ERI3: variants seen among roughly 807,000 people sequenced by gnomAD.
ERI3 encodes the protein ERI1 exoribonuclease family member 3, also known as ERI1 exoribonuclease 3.
In ERI3, 18 loss-of-function variants were observed where a neutral mutation model predicts 44.4. That is an observed-to-expected ratio of 0.41 (90% confidence interval 0.28 to 0.60). The LOEUF (loss-of-function observed/expected upper bound fraction) is 0.60. Among genes scored for constraint, ERI3 ranks in the 20% least tolerant of loss-of-function variants. ERI3 has a pLI of 0.36. For missense variants in ERI3, 294 were observed against 435.5 expected, an observed-to-expected ratio of 0.68 and a Z score of 2.89; for synonymous variants, 183 against 164.8, an observed-to-expected ratio of 1.11 and a Z score of -0.84.
intron 2 of ERI3, among the ~76,000 whole-genome samples, chr1:44,340,511 C>T (rs1023755644): frequency 9.2e-5 from 14 of 152,216 alleles, no homozygotes; most frequent in African/African-American, 3.4e-4. Flanking sequence ...AGGGATAGCA[C>T]CCTGTGAAGT....
chr1:44,232,737 G>A (rs1213254126), intron 8 of ERI3, among the ~76,000 whole-genome samples: 2 of 152,186 alleles, frequency 1.3e-5, no homozygotes, highest in Non-Finnish European at 2.9e-5. Context: ...GCAAGTCCCA[G>A]ACAACACATT....
chr1:44,307,543 C>T (rs142099679), intron 6 of ERI3, among the ~76,000 whole-genome samples: 3 of 152,296 alleles, frequency 2.0e-5, no homozygotes, highest in East Asian at 1.9e-4. Context: ...CATCCCACTT[C>T]GGTTCCCTGG....
intron 4 of ERI3, 148 bp from the exon 5 acceptor site, chr1:44,313,376 C>A: frequency 5.8e-6 from 4 of 687,574 alleles, no homozygotes; most frequent in Non-Finnish European, 1.0e-5. Flanking sequence ...ACCTAGAAGA[C>A]TTGGGAATAA....
At chr1:44,346,496 G>A (rs750546557) in intron 2 of ERI3, among the ~76,000 whole-genome samples, 1 of 152,216 alleles carries the variant, frequency 6.6e-6, no homozygotes, top group Non-Finnish European at 1.5e-5. Context: ...AGTCCTGCAA[G>A]TCAGTTGCAA....
At chr1:44,305,166 C>T (rs1004978640) in intron 6 of ERI3, among the ~76,000 whole-genome samples, 6 of 152,228 alleles carry the variant, frequency 3.9e-5, no homozygotes, top group African/African-American at 1.4e-4. Flanking sequence ...TCACGGCCCA[C>T]TGGGAAAGCC....
At chr1:44,338,508 A>G (rs552233206) in intron 3 of ERI3, among the ~76,000 whole-genome samples, 1 of 152,336 alleles carries the variant, frequency 6.6e-6, no homozygotes, top group East Asian at 1.9e-4. Flanking sequence ...GCAGCATGAC[A>G]GCTGGCTTCC....
At chr1:44,300,227 A>C (rs1645694830) in intron 6 of ERI3, among the ~76,000 whole-genome samples, 1 of 152,216 alleles carries the variant, frequency 6.6e-6, no homozygotes, top group Non-Finnish European at 1.5e-5. Context: ...TCAGTCATTA[A>C]GCAAGTACCT....
At chr1:44,306,604 T>C (rs770540383) in intron 6 of ERI3, among the ~76,000 whole-genome samples, 8 of 152,234 alleles carry the variant, frequency 5.3e-5, no homozygotes, top group East Asian at 1.9e-4. Flanking sequence ...CCCTCTGAAA[T>C]TCCCTCTCCA....
intron 6 of ERI3, among the ~76,000 whole-genome samples, chr1:44,307,345 T>G (rs1645859250): frequency 6.6e-6 from 1 of 152,060 alleles, no homozygotes; most frequent in East Asian, 1.9e-4. Flanking sequence ...GTAGAAAATG[T>G]TACTGCAGAG....
chr1:44,349,315 G>T (rs1646846017), intron 2 of ERI3, among the ~76,000 whole-genome samples: 1 of 152,104 alleles, frequency 6.6e-6, no homozygotes, highest in African/African-American at 2.4e-5. Context: ...ACCATGCCTG[G>T]CTAATTTTTT....
chr1:44,287,023 T>G (rs1019205305), intron 6 of ERI3, among the ~76,000 whole-genome samples: 1 of 152,226 alleles, frequency 6.6e-6, no homozygotes, highest in Admixed American at 6.5e-5. Flanking sequence ...CCACTTCATA[T>G]TACCTGTGGT....
chr1:44,320,405 G>C (rs376036223), intron 3 of ERI3, among the ~76,000 whole-genome samples: 3 of 152,292 alleles, frequency 2.0e-5, no homozygotes, highest in South Asian at 4.1e-4. Context: ...AGGACAAGGA[G>C]TGACAATTTG....
intron 5 of ERI3, among the ~76,000 whole-genome samples, chr1:44,309,326 C>A (rs193292550): frequency 6.6e-6 from 1 of 151,640 alleles, no homozygotes; most frequent in South Asian, 2.1e-4. Context: ...AAAACCCTAT[C>A]CATACTAAAA....
At chr1:44,258,134 T>C (rs1043454931) in intron 7 of ERI3, among the ~76,000 whole-genome samples, 1 of 152,202 alleles carries the variant, frequency 6.6e-6, no homozygotes, top group Non-Finnish European at 1.5e-5. Flanking sequence ...GAACCTGGCA[T>C]GTAACTAGTC....
rs751794673 is a variant in ERI3, at chr1:44,352,935, A to G, written c.136-10T>C. The G allele has an allele frequency of 6.2e-7, 1 of 1,614,088 alleles. No individual in the cohort carries two copies. The highest frequency in any genetic ancestry group is 1.1e-5 in the South Asian group (1 of 91,054). The stretch of plus-strand genomic sequence containing the variant: ...CTGGAAAGCCCCAATGCTGTGGATA[A>G]ATACACATCTCTGCAACAAGTCTAT... On this transcript the variant is annotated splice_polypyrimidine_tract_variant and intron_variant, in intron 1 of 8. Transcript: ENST00000372257.
intron 6 of ERI3, among the ~76,000 whole-genome samples, chr1:44,288,760 C>T (rs1282306111): frequency 2.0e-5 from 3 of 152,124 alleles, no homozygotes; most frequent in Non-Finnish European, 4.4e-5. Flanking sequence ...ATAGTGGTCA[C>T]TGCTCAAGGT....
chr1:44,303,931 G>A (rs1207697753), intron 6 of ERI3, among the ~76,000 whole-genome samples: 1 of 152,210 alleles, frequency 6.6e-6, no homozygotes, highest in African/African-American at 2.4e-5. Context: ...CAGGGCAGTA[G>A]GGATGGGAAG....
At chr1:44,287,731 A>T (rs1046423674) in intron 6 of ERI3, among the ~76,000 whole-genome samples, 1 of 152,232 alleles carries the variant, frequency 6.6e-6, no homozygotes, top group African/African-American at 2.4e-5. Context: ...TCTGACAATA[A>T]TTCTATTTCC....
chr1:44,257,732 C>T (rs974570716), intron 7 of ERI3, among the ~76,000 whole-genome samples: 1 of 152,158 alleles, frequency 6.6e-6, no homozygotes, highest in African/African-American at 2.4e-5. Flanking sequence ...CTAACCCAGC[C>T]CTCTGACAGC....
Sources: allele counts gnomAD v4.1 joint callset (sites outside exome capture counted in the v4.1 genomes callset), GRCh38; gene constraint gnomAD v4.1.1; transcripts MANE v1.5; gene names NCBI Gene and HGNC (gene_info 2026-07-23, HGNC 2026-07-21).